The following LMO7 variants were observed in gnomAD, a reference collection of about 807,000 sequenced individuals.
LMO7 encodes LIM domain 7.
A neutral mutation model predicts 206.5 loss-of-function variants in LMO7; 120 were observed. The observed-to-expected ratio is 0.58, with a 90% CI of 0.50 to 0.68. LMO7 has a LOEUF of 0.68. Ranked by LOEUF, LMO7 falls within the 30% of genes least tolerant of loss-of-function variation. The pLI is 0.00. For synonymous variants in LMO7, 706 were observed against 681.5 expected (o/e 1.04, Z -0.56); for missense variants, 1,959 against 1,957.9 (o/e 1.00, Z -0.01).
chr13:75,802,957 C>A (rs773155455), intron 7 of LMO7, among the ~76,000 whole-genome samples: 1 of 152,130 alleles, frequency 6.6e-6, no homozygotes, highest in African/African-American at 2.4e-5. Context: ...TGCAGGACAC[C>A]GTACTGGGCT....
At chr13:75,655,418 A>G (rs1358341627) in intron 1 of LMO7, among the ~76,000 whole-genome samples, 1 of 152,122 alleles carries the variant, frequency 6.6e-6, no homozygotes, top group Non-Finnish European at 1.5e-5. Flanking sequence ...GTCAGGTTTT[A>G]TCTGACTCAG....
At chr13:75,650,233 G>T (rs1416052074) in intron 1 of LMO7, among the ~76,000 whole-genome samples, 1 of 152,064 alleles carries the variant, frequency 6.6e-6, no homozygotes, top group Non-Finnish European at 1.5e-5. Flanking sequence ...GGGTTCAAGC[G>T]ATTCTCCTGC....
At chr13:75,771,947 G>T (rs1385278918) in intron 4 of LMO7, among the ~76,000 whole-genome samples, 1 of 151,978 alleles carries the variant, frequency 6.6e-6, no homozygotes, top group Non-Finnish European at 1.5e-5. Context: ...TTAAAAACAG[G>T]TGATAAGCAT....
At chr13:75,713,149 A>G (rs1360683836) in intron 1 of LMO7, 33 bp from the exon 2 acceptor site, 1 of 1,544,396 alleles carries the variant, frequency 6.5e-7, no homozygotes, top group Non-Finnish European at 8.9e-7. Context: ...ATCCCTGCTT[A>G]AGAGAAAATT....
At chr13:75,827,530 TG>T (rs1410295041) in intron 15 of LMO7, among the ~76,000 whole-genome samples, 1 of 152,220 alleles carries the variant, frequency 6.6e-6, no homozygotes, top group African/African-American at 2.4e-5. Context: ...CTATTCTTTT[TG>T]CACCCTTTCT....
At chr13:75,683,873 T>C (rs899917349) in intron 1 of LMO7, among the ~76,000 whole-genome samples, 1 of 152,130 alleles carries the variant, frequency 6.6e-6, no homozygotes, top group African/African-American at 2.4e-5. Flanking sequence ...TTATTATCAA[T>C]AAAAAGGAAT....
At chr13:75,856,337 C>T (rs756842147) in intron 29 of LMO7, among the ~76,000 whole-genome samples, 169 bp from the exon 30 acceptor site, 9 of 152,130 alleles carry the variant, frequency 5.9e-5, no homozygotes, top group Admixed American at 6.5e-5. Flanking sequence ...TCTTATCTGG[C>T]GGTCTTGATT....
intron 1 of LMO7, among the ~76,000 whole-genome samples, chr13:75,663,863 A>G (rs2038865213): frequency 1.3e-5 from 2 of 152,116 alleles, no homozygotes; most frequent in Admixed American, 1.3e-4. Context: ...TTGGTTACAT[A>G]ATAGGTATAT....
At chr13:75,659,033 A>G (rs2038323663) in intron 1 of LMO7, among the ~76,000 whole-genome samples, 1 of 118,478 alleles carries the variant, frequency 8.4e-6, no homozygotes, top group African/African-American at 3.0e-5. Flanking sequence ...TCAGAGTTTT[A>G]TCTCTTTCCT....
intron 1 of LMO7, among the ~76,000 whole-genome samples, chr13:75,696,932 A>G (rs2041948536): frequency 6.6e-6 from 1 of 152,160 alleles, no homozygotes; most frequent in African/African-American, 2.4e-5. Context: ...ACGCACGTCG[A>G]ACGTTGCCAG....
chr13:75,661,787 G>A (rs1298883127), intron 1 of LMO7, among the ~76,000 whole-genome samples: 1 of 152,074 alleles, frequency 6.6e-6, no homozygotes, highest in Non-Finnish European at 1.5e-5. Flanking sequence ...ACTTTTTTGA[G>A]CTAGTTTGCA....
At chr13:75,838,464 A>G in intron 20 of LMO7, 1 of 784,094 alleles carries the variant, frequency 1.3e-6, no homozygotes, top group Non-Finnish European at 1.8e-6. Context: ...AAAAAAAAAA[A>G]AAAAAAAAAA....
chr13:75,750,346 G>C (rs1459568914), intron 3 of LMO7, among the ~76,000 whole-genome samples: 1 of 137,162 alleles, frequency 7.3e-6, no homozygotes, highest in Non-Finnish European at 1.6e-5. Context: ...AAAAACTTTT[G>C]TCCACAAAAA....
At position 75,853,255 on chromosome 13, in the gene LMO7, C is replaced by A; in HGVS notation, c.4528C>A (p.Pro1510Thr). 6.2e-7 allele frequency: 1 copy of A among 1,614,118 alleles called. No individual in the cohort carries two copies. The highest frequency in any genetic ancestry group is 8.5e-7 in the Non-Finnish European group (1 of 1,180,012). ...ATCAAACCGTGCCTACATGCGGAAC[C>A]CCTCCTCCAGCGTGCCCCCACCTTC... ...STSNRAYMRN[P>T]SSSVPPPSAG... Residue 1510 changes from proline (P) to threonine (T), a missense_variant, in exon 28 of 31, where the codon CCC (proline) becomes ACC (threonine). Transcript: ENST00000377534.
intron 1 of LMO7, among the ~76,000 whole-genome samples, chr13:75,679,591 G>A (rs987314251): frequency 2.0e-5 from 3 of 152,154 alleles, no homozygotes; most frequent in East Asian, 1.9e-4. Context: ...GGAATCTAAA[G>A]TATTAACAAA....
intron 3 of LMO7, among the ~76,000 whole-genome samples, chr13:75,745,384 A>C (rs974068651): frequency 2.0e-5 from 3 of 152,228 alleles, no homozygotes. Context: ...TGAATTGTAC[A>C]CAAATGGGTG....
chr13:75,718,796 CATCCCTCCCTTACCTCTA>C (rs2043776793), intron 2 of LMO7, among the ~76,000 whole-genome samples: 1 of 152,194 alleles, frequency 6.6e-6, no homozygotes. Context: ...TCCTCCTATT[CATCCCTCCCTTACCTCTA>C]ATCCCTGGAA....
At chr13:75,724,286 G>C (rs1454612667) in intron 2 of LMO7, among the ~76,000 whole-genome samples, 1 of 152,134 alleles carries the variant, frequency 6.6e-6, no homozygotes, top group East Asian at 1.9e-4. Context: ...AGCCTCTGCT[G>C]TACTAACCAA....
chr13:75,676,416 G>T (rs1056492299), intron 1 of LMO7, among the ~76,000 whole-genome samples: 1 of 152,042 alleles, frequency 6.6e-6, no homozygotes, highest in Non-Finnish European at 1.5e-5. Flanking sequence ...ACTCCAAGCC[G>T]GCTCCTTTAC....
Sources: gnomAD v4.1 joint callset for allele counts (sites outside exome capture counted in the v4.1 genomes callset) on GRCh38, gnomAD v4.1.1 for gene constraint, MANE v1.5 for transcripts, NCBI Gene and HGNC (gene_info 2026-07-23, HGNC 2026-07-21) for gene names.